The following PCMT1 variants were observed in gnomAD, a reference collection of about 807,000 sequenced individuals.
PCMT1 encodes the protein protein-L-isoaspartate(D-aspartate) O-methyltransferase.
PCMT1 carries 9 observed loss-of-function variants against 29.2 expected under a neutral mutation model. The ratio of observed to expected loss-of-function variants is 0.31; its 90% CI spans 0.19 to 0.54. The LOEUF (loss-of-function observed/expected upper bound fraction) is 0.54, where lower values mean the gene tolerates loss of function less well. Ranked by LOEUF, PCMT1 falls within the 20% of genes least tolerant of loss-of-function variation. PCMT1 has a pLI of 0.95. For synonymous variants in PCMT1, 98 were observed against 97.5 expected (o/e 1.00, Z -0.03); for missense variants, 184 against 282.2 (o/e 0.65, Z 2.49).
chr6:149,750,439 C>A (rs1476878450), intron 1 of PCMT1, among the ~76,000 whole-genome samples: 1 of 152,198 alleles, frequency 6.6e-6, no homozygotes, highest in African/African-American at 2.4e-5. Context: ...TATGCAGCCT[C>A]CCCCGCCCTC....
chr6:149,768,444 ATTTTTTTTTT>A (rs548328646), intron 1 of PCMT1, among the ~76,000 whole-genome samples: 3 of 75,856 alleles, frequency 4.0e-5, no homozygotes, highest in African/African-American at 2.0e-4. Flanking sequence ...TTAGTCTTGA[ATTTTTTTTTT>A]TTTTTTTTTT....
intron 4 of PCMT1, among the ~76,000 whole-genome samples, chr6:149,790,405 T>C (rs1583045285): frequency 6.6e-6 from 1 of 152,334 alleles, no homozygotes; most frequent in East Asian, 1.9e-4. Flanking sequence ...GGTGTCATTA[T>C]CCGGTAAGCT....
chr6:149,786,658 G>A (rs1476635181), intron 3 of PCMT1, among the ~76,000 whole-genome samples: 3 of 146,890 alleles, frequency 2.0e-5, no homozygotes, highest in Admixed American at 6.7e-5. Context: ...GGGCAGAGAC[G>A]CTCCTCACCT....
chr6:149,790,216 G>A (rs928768201), intron 4 of PCMT1, among the ~76,000 whole-genome samples, 158 bp downstream of exon 4: 2 of 152,198 alleles, frequency 1.3e-5, no homozygotes, highest in African/African-American at 4.8e-5. Context: ...GTTGTTGCAA[G>A]TGACAGAACA....
At chr6:149,788,153 G>A (rs1562416573) in intron 3 of PCMT1, among the ~76,000 whole-genome samples, 2 of 151,348 alleles carry the variant, frequency 1.3e-5, no homozygotes, top group African/African-American at 4.9e-5. Flanking sequence ...TCCTGACCTC[G>A]TGATCCGCCT....
intron 4 of PCMT1, 143 bp from the exon 5 acceptor site, chr6:149,793,406 G>C: frequency 2.0e-6 from 1 of 499,552 alleles, no homozygotes; most frequent in Non-Finnish European, 3.2e-6. Flanking sequence ...ATGATAAACT[G>C]AGTGTTTAGC....
intron 1 of PCMT1, among the ~76,000 whole-genome samples, chr6:149,761,160 A>G (rs1028518940): frequency 1.4e-5 from 2 of 143,020 alleles, no homozygotes; most frequent in Non-Finnish European, 3.0e-5. Context: ...TGATGTCTAA[A>G]GTAGATAAAA....
intron 1 of PCMT1, among the ~76,000 whole-genome samples, chr6:149,757,592 T>C (rs1786559028): frequency 6.6e-6 from 1 of 152,166 alleles, no homozygotes; most frequent in Non-Finnish European, 1.5e-5. Context: ...AGAAATGTCA[T>C]GTAGTAGAGG....
chr6:149,766,558 G>T (rs1205382332), intron 1 of PCMT1, among the ~76,000 whole-genome samples: 1 of 152,198 alleles, frequency 6.6e-6, no homozygotes, highest in Non-Finnish European at 1.5e-5. Context: ...TTGGCCTGCT[G>T]CCTGGTTTTA....
At chr6:149,773,408 T>C (rs1787419714) in intron 3 of PCMT1, among the ~76,000 whole-genome samples, 1 of 152,096 alleles carries the variant, frequency 6.6e-6, no homozygotes, top group Admixed American at 6.5e-5. Context: ...AGATGGAGTC[T>C]CGCTCTGTCG....
At chr6:149,777,482 T>C (rs1385200089) in intron 3 of PCMT1, among the ~76,000 whole-genome samples, 1 of 152,024 alleles carries the variant, frequency 6.6e-6, no homozygotes, top group Non-Finnish European at 1.5e-5. Flanking sequence ...ACTCTGCAAG[T>C]ACAAATATGA....
At position 149,761,154 on chromosome 6, in the gene PCMT1, G is replaced by A. The variant is rs1259994278; in HGVS notation, c.56-10008G>A. On this transcript the variant is annotated intron_variant, in intron 1 of 7. Transcript: ENST00000464889. ...TCTTGGCAGGAGGTCAGCAGATGAT[G>A]TCTAAAGTAGATAAAACATGAAATA... is the stretch of plus-strand genomic sequence containing the variant. 2.7e-5 allele frequency among the ~76,000 whole-genome samples: 4 copies of A among 147,204 alleles called. No individual in the cohort carries two copies. The Admixed American group carries it at 2.8e-4, about 10-fold the overall frequency.
In PCMT1 at chr6:149,751,948, C is replaced by T. The variant is rs148756872; in HGVS notation, c.55+1992C>T. ...AGTGCAGTGGTGTGAGCTCGGCTCA[C>T]TGCAACCCCTGCTTTCTGTGCTCAA... is the stretch of plus-strand genomic sequence containing the variant. On this transcript the variant is annotated intron_variant, in intron 1 of 7. Coordinates refer to ENST00000464889, the MANE Select transcript of PCMT1 (RefSeq NM_001360452.2). Among the ~76,000 whole-genome samples the T allele has an allele frequency of 9.2e-4, 140 of 151,466 alleles. 1 individual carries two copies. Among genetic ancestry groups the T allele is most frequent in the African/African-American group, 3.2e-3 (134 of 41,278 alleles).
chr6:149,799,696 T>C (rs1252442334), intron 6 of PCMT1, among the ~76,000 whole-genome samples: 2 of 152,056 alleles, frequency 1.3e-5, no homozygotes, highest in East Asian at 3.9e-4. Context: ...GGAAACCACA[T>C]AGGGCATCTT....
chr6:149,766,147 T>C (rs746979548), intron 1 of PCMT1, among the ~76,000 whole-genome samples: 1 of 152,086 alleles, frequency 6.6e-6, no homozygotes, highest in Non-Finnish European at 1.5e-5. Context: ...AACATTTAAG[T>C]GCTATTATTT....
intron 1 of PCMT1, among the ~76,000 whole-genome samples, chr6:149,764,200 A>G (rs1484513580): frequency 2.0e-5 from 3 of 152,224 alleles, no homozygotes; most frequent in Admixed American, 6.6e-5. Context: ...TAGTAGCAGT[A>G]TAGTGAAGTG....
At chr6:149,803,145 A>G (rs2115341728) in intron 7 of PCMT1, among the ~76,000 whole-genome samples, 1 of 152,048 alleles carries the variant, frequency 6.6e-6, no homozygotes, top group East Asian at 1.9e-4. Flanking sequence ...GGGAAAGATA[A>G]CGGTCGTCTC....
intron 3 of PCMT1, among the ~76,000 whole-genome samples, chr6:149,779,186 G>C (rs369007089): frequency 6.6e-6 from 1 of 152,114 alleles, no homozygotes; most frequent in East Asian, 1.9e-4. Flanking sequence ...TCCCTAGCTC[G>C]GCTGTAAAGT....
chr6:149,777,214 C>T (rs576954832), intron 3 of PCMT1, among the ~76,000 whole-genome samples: 10 of 152,248 alleles, frequency 6.6e-5, no homozygotes, highest in African/African-American at 2.2e-4. Context: ...AGAACACTTA[C>T]GTTAGCCTAC....
Sources: gnomAD v4.1 joint callset for allele counts (sites outside exome capture counted in the v4.1 genomes callset) on GRCh38, gnomAD v4.1.1 for gene constraint, MANE v1.5 for transcripts, NCBI Gene and HGNC (gene_info 2026-07-23, HGNC 2026-07-21) for gene names.